The following LARGE1 variants were observed in gnomAD, a reference collection of about 807,000 sequenced individuals.
LARGE1 encodes LARGE xylosyl- and glucuronyltransferase 1.
In LARGE1, 43 loss-of-function variants were observed where a neutral mutation model predicts 87.6. The ratio of observed to expected loss-of-function variants is 0.49; its 90% confidence interval spans 0.38 to 0.63. The LOEUF (loss-of-function observed/expected upper bound fraction) is 0.63. Among genes scored for constraint, LARGE1 ranks in the 30% least tolerant of loss-of-function variants. LARGE1 has a pLI of 0.00. For synonymous variants in LARGE1, 434 were observed against 394.6 expected (o/e 1.10, Z -1.18); for missense variants, 802 against 1,000.2 (o/e 0.80, Z 2.67).
chr22:33,753,176 C>T (rs1332115337), intron 2 of LARGE1, among the ~76,000 whole-genome samples: 3 of 152,142 alleles, frequency 2.0e-5, no homozygotes, highest in Non-Finnish European at 4.4e-5. Context: ...ACTGAGATCA[C>T]ACCACTGCAC....
At chr22:33,245,829 A>G (rs1335329352) in intron 11 of LARGE1, among the ~76,000 whole-genome samples, 1 of 152,210 alleles carries the variant, frequency 6.6e-6, no homozygotes, top group Non-Finnish European at 1.5e-5. Context: ...GAATCACTTG[A>G]ACCTGGGAGG....
chr22:33,608,777 C>T (rs537098548), intron 4 of LARGE1, among the ~76,000 whole-genome samples: 96 of 152,300 alleles, frequency 6.3e-4, no homozygotes, highest in African/African-American at 2.3e-3. Flanking sequence ...GGCTTGGCAT[C>T]CCGGCTGCAG....
intron 6 of LARGE1, among the ~76,000 whole-genome samples, chr22:33,473,373 G>T (rs1051105144): frequency 6.6e-6 from 1 of 151,262 alleles, no homozygotes; most frequent in Non-Finnish European, 1.5e-5. Flanking sequence ...TTTTTGAGAC[G>T]AAGTCTCACT....
intron 2 of LARGE1, among the ~76,000 whole-genome samples, chr22:33,654,912 C>T (rs2080919113): frequency 6.6e-6 from 1 of 152,194 alleles, no homozygotes; most frequent in Non-Finnish European, 1.5e-5. Context: ...AAAGGTAAAA[C>T]AGAGCTTGGC....
intron 13 of LARGE1, among the ~76,000 whole-genome samples, chr22:33,280,478 T>C (rs1930223415): frequency 6.6e-6 from 1 of 152,102 alleles, no homozygotes; most frequent in African/African-American, 2.4e-5. Flanking sequence ...CAGAAAATTA[T>C]AATGTGAAAA....
chr22:33,262,100 GA>G (rs1268699939), intron 11 of LARGE1, among the ~76,000 whole-genome samples: 1 of 152,180 alleles, frequency 6.6e-6, no homozygotes, highest in Non-Finnish European at 1.5e-5. Context: ...TGATCTCCAC[GA>G]AAGCCTTAAA....
chr22:33,337,591 T>C, intron 10 of LARGE1, 55 bp downstream of exon 10: 1 of 1,607,316 alleles, frequency 6.2e-7, no homozygotes. Flanking sequence ...GGGAGGTCCT[T>C]GATGGATGAG....
chr22:33,116,244 T>G, the LARGE1 span: 2 of 152,190 alleles, frequency 1.3e-5, no homozygotes, highest in Non-Finnish European at 2.9e-5. Context: ...CGACTGGCAC[T>G]CCTAACCCTC....
intron 9 of LARGE1, among the ~76,000 whole-genome samples, chr22:33,365,597 G>A (rs192512503): frequency 5.4e-4 from 82 of 151,066 alleles, no homozygotes; most frequent in Middle Eastern, 3.4e-3. Flanking sequence ...ATGTGTTGAA[G>A]TATCTTTTGC....
intron 11 of LARGE1, among the ~76,000 whole-genome samples, chr22:33,193,062 A>G (rs1923870496): frequency 6.6e-6 from 1 of 151,892 alleles, no homozygotes; most frequent in South Asian, 2.1e-4. Context: ...ATATAACTTT[A>G]TTCTGATTCT....
intron 11 of LARGE1, among the ~76,000 whole-genome samples, chr22:33,223,007 G>C (rs1925534000): frequency 6.6e-6 from 1 of 152,138 alleles, no homozygotes; most frequent in East Asian, 1.9e-4. Context: ...GTGTTGTAAA[G>C]AGCCTGCCCC....
the LARGE1 span, among the ~76,000 whole-genome samples, chr22:33,152,108 C>T: frequency 6.6e-6 from 1 of 152,316 alleles, no homozygotes; most frequent in South Asian, 2.1e-4. Flanking sequence ...TATTTAATGA[C>T]CCTGTAGGCA....
At chr22:33,459,432 GCTCT>G (rs1383321425) in intron 6 of LARGE1, among the ~76,000 whole-genome samples, 17 of 144,754 alleles carry the variant, frequency 1.2e-4, no homozygotes, top group East Asian at 2.0e-4. Flanking sequence ...AAGCTCGCTC[GCTCT>G]CTCTCTTTTT....
chr22:33,455,229 G>C (rs1360230167), intron 6 of LARGE1, among the ~76,000 whole-genome samples: 1 of 152,104 alleles, frequency 6.6e-6, no homozygotes, highest in African/African-American at 2.4e-5. Context: ...TGATGTGCAG[G>C]GCACACAGAT....
At chr22:33,741,809 C>T (rs145607836) in intron 2 of LARGE1, among the ~76,000 whole-genome samples, 191 of 152,298 alleles carry the variant, frequency 1.3e-3, no homozygotes, top group Admixed American at 3.4e-3. Context: ...GAAATCCAAC[C>T]TTTCCAAAGC....
chr22:33,388,556 A>C (rs1279820566), intron 7 of LARGE1, among the ~76,000 whole-genome samples: 1 of 152,000 alleles, frequency 6.6e-6, no homozygotes, highest in African/African-American at 2.4e-5. Flanking sequence ...CACCAATCTC[A>C]TGGGCTTTTT....
chr22:33,339,528 A>C (rs1311468544), intron 9 of LARGE1, among the ~76,000 whole-genome samples: 2 of 152,148 alleles, frequency 1.3e-5, no homozygotes, highest in East Asian at 3.8e-4. Flanking sequence ...CATAATGAAG[A>C]AGATGCAAGT....
chr22:33,921,972 C>T (rs1352398743), upstream of LARGE1, among the ~76,000 whole-genome samples: 1 of 152,028 alleles, frequency 6.6e-6, no homozygotes, highest in African/African-American at 2.4e-5. The surrounding 1 kb of genome is among the most constrained non-coding windows in gnomAD (Gnocchi z 4.1). Flanking sequence ...CTGCACAACT[C>T]GGACTCGGAG....
chr22:33,626,111 A>T (rs2149076122), intron 4 of LARGE1, 133 bp downstream of exon 4: 1 of 753,368 alleles, frequency 1.3e-6, no homozygotes, highest in African/African-American at 1.7e-5. Flanking sequence ...TCAGGGTTTC[A>T]GACAAAAATT....
Sources: gnomAD v4.1 joint callset for allele counts (sites outside exome capture counted in the v4.1 genomes callset) on GRCh38, gnomAD v4.1.1 for gene constraint, Gnocchi (gnomAD v3.1) non-coding constraint, MANE v1.5 for transcripts, NCBI Gene and HGNC (gene_info 2026-07-23, HGNC 2026-07-21) for gene names.